The following TRPV3 variants were observed in gnomAD, a reference collection of about 807,000 sequenced individuals.
TRPV3 encodes transient receptor potential cation channel subfamily V member 3.
Under a neutral mutation model 87.1 loss-of-function variants are expected in TRPV3, and 88 were observed. The observed-to-expected ratio is 1.01, with a 90% confidence interval of 0.85 to 1.21. The LOEUF (loss-of-function observed/expected upper bound fraction) is 1.21. Among genes scored for constraint, TRPV3 ranks in the 50% most tolerant of loss-of-function variants. TRPV3 has a pLI of 0.00. For synonymous variants in TRPV3, 438 were observed against 423.3 expected, an observed-to-expected ratio of 1.03 and a Z score of -0.43; for missense variants, 1,054 against 1,030.1, an observed-to-expected ratio of 1.02 and a Z score of -0.32.
At position 3,528,692 on chromosome 17, in the gene TRPV3, C is replaced by T. The variant is rs2074321677; in HGVS notation, c.1401+145G>A. 2 of 942,868 alleles carry T rather than the reference C, an allele frequency of 2.1e-6. No homozygotes were observed. Among genetic ancestry groups the T allele is most frequent in the Non-Finnish European group, 3.1e-6 (2 of 642,058 alleles). 58.4% of individuals were successfully genotyped at this position (942,868 alleles called of 1,614,324 possible). On this transcript the variant is annotated intron_variant, in intron 10 of 17. Coordinates refer to ENST00000576742, the MANE Select transcript of TRPV3 (RefSeq NM_145068.4). The surrounding 1 kb of genome is among the most constrained non-coding windows in gnomAD (Gnocchi z 4.2). ...CTAAGCACTGAAGACATATTCAGTTCCCTGGGAAGCGTGAAGGACAACTGG... is the reference window on the plus strand; with the variant it reads ...CTAAGCACTGAAGACATATTCAGTTTCCTGGGAAGCGTGAAGGACAACTGG...
rs2074119795 is a variant in TRPV3, at chr17:3,512,037, T to C, written c.*1880A>G. 6.6e-6 allele frequency: 1 copy of C among 152,238 alleles called. No individual in the cohort carries two copies. The allele number at this position is 152,238 out of a possible 1,614,324, so 9.4% of individuals were successfully genotyped here. A position where few individuals can be genotyped will look rare whatever the true frequency, so the allele number is the denominator to read the frequency against. On this transcript the variant is annotated 3_prime_UTR_variant, in exon 18 of 18. Transcript: ENST00000576742. ...CAGGCTAAAAGGGACCTTAAACTTC[T>C]TCCAATGACCATTTTCAACAACATT...
At chr17:3,555,466 T>C (rs2074618537) in intron 1 of TRPV3, among the ~76,000 whole-genome samples, 1 of 152,106 alleles carries the variant, frequency 6.6e-6, no homozygotes, top group Admixed American at 6.6e-5. Context: ...ACACCGATCA[T>C]CTCCCCCGCC....
At chr17:3,525,619 TA>T (rs1469931233) in intron 12 of TRPV3, among the ~76,000 whole-genome samples, 3 of 147,100 alleles carry the variant, frequency 2.0e-5, no homozygotes, top group African/African-American at 7.4e-5. Context: ...TTACCACAAT[TA>T]ATTTTTTTTT....
rs1007550254 is a variant in TRPV3 at position 3,511,097 on chromosome 17, A to T, written c.*2820T>A. ...AAACACCTTCCCCTGAAATTACTGAAATGTCAATCACGGAGTTTTAGGATG... is the reference window on the plus strand; with the variant it reads ...AAACACCTTCCCCTGAAATTACTGATATGTCAATCACGGAGTTTTAGGATG... On this transcript the variant is annotated 3_prime_UTR_variant, in exon 18 of 18. Coordinates refer to ENST00000576742, the MANE Select transcript of TRPV3 (RefSeq NM_145068.4). 4 of 152,234 alleles carry T rather than the reference A, an allele frequency of 2.6e-5. No individual in the cohort carries two copies. The highest frequency in any genetic ancestry group is 2.6e-4 in the Admixed American group (4 of 15,276). 9.4% of individuals were successfully genotyped at this position (152,234 alleles called of 1,614,324 possible).
Position 3,528,192 on chromosome 17 carries a change from G to A in TRPV3, c.1402-66C>T, listed in dbSNP as rs1456709756. 1.1e-5 allele frequency: 14 copies of A among 1,292,404 alleles called. No homozygotes were observed. Among genetic ancestry groups the A allele is most frequent in the Non-Finnish European group, 1.2e-5 (11 of 932,238 alleles). 80.1% of individuals were successfully genotyped at this position (1,292,404 alleles called of 1,614,324 possible). On this transcript the variant is annotated intron_variant, in intron 10 of 17. Coordinates refer to ENST00000576742, the MANE Select transcript of TRPV3 (RefSeq NM_145068.4). This position sits in a 1 kb window ranked among gnomAD's most constrained non-coding sequence, Gnocchi z 4.2. ...GAGGACAGGGCTGGCACCAACTCTAGAGGGACCAAAACCCAGGTGAAACAC... is the reference window on the plus strand; with the variant it reads ...GAGGACAGGGCTGGCACCAACTCTAAAGGGACCAAAACCCAGGTGAAACAC...
intron 7 of TRPV3, 80 bp from the exon 8 acceptor site, chr17:3,533,017 A>C: frequency 1.3e-6 from 2 of 1,510,350 alleles, no homozygotes; most frequent in Non-Finnish European, 1.8e-6. Flanking sequence ...TGGGGCCCAT[A>C]TCCTATCTCA....
At position 3,530,803 on chromosome 17, in the gene TRPV3, C is replaced by T. The variant is rs1041243002; in HGVS notation, c.1066-600G>A. ...AGGTGCAGTAGCTCACGCCTGTAATCCCAGCACTTTGGGAGGCCGAGGCGG... is the reference window on the plus strand; with the variant it reads ...AGGTGCAGTAGCTCACGCCTGTAATTCCAGCACTTTGGGAGGCCGAGGCGG... On this transcript the variant is annotated intron_variant, in intron 8 of 17. Coordinates refer to ENST00000576742, the MANE Select transcript of TRPV3 (RefSeq NM_145068.4). The surrounding 1 kb of genome is among the most constrained non-coding windows in gnomAD (Gnocchi z 4.0). Among the ~76,000 whole-genome samples, 7 of 152,232 alleles carry T rather than the reference C, an allele frequency of 4.6e-5. No individual in the cohort carries two copies. The highest frequency in any genetic ancestry group is 4.6e-4 in the Admixed American group (7 of 15,292).
At chr17:3,514,464 C>T in intron 17 of TRPV3, 129 bp downstream of exon 17, 1 of 685,576 alleles carries the variant, frequency 1.5e-6, no homozygotes, top group Admixed American at 2.3e-5. Flanking sequence ...TGGAAGAGAC[C>T]TAAGAAGCAT....
At chr17:3,522,778 T>C (rs975250030) in intron 13 of TRPV3, among the ~76,000 whole-genome samples, 10 of 149,478 alleles carry the variant, frequency 6.7e-5, no homozygotes, top group Non-Finnish European at 8.9e-5. Flanking sequence ...GATTGCACTA[T>C]TGCACTCCAG....
At chr17:3,548,875 T>C (rs1210796759) in intron 2 of TRPV3, among the ~76,000 whole-genome samples, 3 of 152,148 alleles carry the variant, frequency 2.0e-5, no homozygotes, top group African/African-American at 7.2e-5. Flanking sequence ...GAATGGATGA[T>C]GGTTGGGCCA....
rs544243121 is a variant in TRPV3, at chr17:3,515,256, G to C, written c.2199-584C>G. Among the ~76,000 whole-genome samples, 11 of 152,288 alleles carry C rather than the reference G, an allele frequency of 7.2e-5. No homozygotes were observed. In the South Asian group the frequency reaches 1.7e-3, roughly 23 times the overall value. ...TGCAGTCAGAAATGATGCTTTCCAC[G>C]GGGCGCGGTTTCAGTCAGAGAAGTG... is the stretch of plus-strand genomic sequence containing the variant. On this transcript the variant is annotated intron_variant, in intron 16 of 17. Coordinates refer to ENST00000576742, the MANE Select transcript of TRPV3 (RefSeq NM_145068.4).
At chr17:3,516,303 C>A (rs2074182833) in intron 16 of TRPV3, among the ~76,000 whole-genome samples, 154 bp downstream of exon 16, 1 of 152,154 alleles carries the variant, frequency 6.6e-6, no homozygotes, top group Non-Finnish European at 1.5e-5. Flanking sequence ...ACCCCATAAG[C>A]AAATTCCTTC....
intron 2 of TRPV3, among the ~76,000 whole-genome samples, chr17:3,550,520 C>CTTTTTTTTTTTTT (rs35400667): frequency 2.2e-5 from 2 of 92,184 alleles, no homozygotes; most frequent in African/African-American, 7.9e-5. Flanking sequence ...CCTGCCTGCT[C>CTTTTTTTTTTTTT]TTTTTTTTTT....
chr17:3,523,772 A>T (rs1379629090), intron 13 of TRPV3, among the ~76,000 whole-genome samples: 1 of 151,862 alleles, frequency 6.6e-6, no homozygotes, highest in Non-Finnish European at 1.5e-5. Context: ...GGCTATGTGG[A>T]ATTTACAATA....
At chr17:3,546,556 G>T (rs2074527863) in intron 2 of TRPV3, 2 of 432,192 alleles carry the variant, frequency 4.6e-6, no homozygotes, top group South Asian at 3.4e-5. Flanking sequence ...TTGTCCTGTA[G>T]TGTCAATTAG....
At chr17:3,554,405 T>G in intron 2 of TRPV3, 2 of 241,674 alleles carry the variant, frequency 8.3e-6, no homozygotes, top group Non-Finnish European at 7.9e-6. Context: ...CCAGCCAGCA[T>G]TTTGCTCCTC....
chr17:3,520,381 A>G (rs1229832359), intron 14 of TRPV3, among the ~76,000 whole-genome samples: 6 of 152,206 alleles, frequency 3.9e-5, no homozygotes, highest in African/African-American at 1.4e-4. Context: ...TCCAAAGGAA[A>G]TCACCTCAGG....
chr17:3,514,733 G>A lies in TRPV3; in HGVS notation c.2199-61C>T, dbSNP rs11868818. 0.063 allele frequency: 84,823 copies of A among 1,351,314 alleles called. 2,944 individuals are homozygous for A. Among genetic ancestry groups the A allele is most frequent in the East Asian group, 0.082 (3,554 of 43,542 alleles). 83.7% of individuals were successfully genotyped at this position (1,351,314 alleles called of 1,614,324 possible). On this transcript the variant is annotated intron_variant, in intron 16 of 17. Transcript: ENST00000576742. The stretch of plus-strand genomic sequence containing the variant: ...GTGCCTCACTGAGTACTAACAAATA[G>A]CCCTGCGTTTGGGACGTCCTGGTGT...
intron 6 of TRPV3, among the ~76,000 whole-genome samples, chr17:3,538,973 G>C (rs972191679): frequency 6.6e-6 from 1 of 152,160 alleles, no homozygotes; most frequent in African/African-American, 2.4e-5. Context: ...TGTGCACAGG[G>C]TCATAGACAA....
Sources: gnomAD v4.1 joint callset for allele counts (sites outside exome capture counted in the v4.1 genomes callset) on GRCh38, gnomAD v4.1.1 for gene constraint, Gnocchi (gnomAD v3.1) non-coding constraint, MANE v1.5 for transcripts, NCBI Gene and HGNC (gene_info 2026-07-23, HGNC 2026-07-21) for gene names.